Variants in PDE4D observed in about 807,000 individuals in gnomAD.
PDE4D encodes the protein 3',5'-cyclic-AMP phosphodiesterase 4D.
Under a neutral mutation model 87.4 loss-of-function variants are expected in PDE4D, and 24 were observed. The ratio of observed to expected loss-of-function variants is 0.27; its 90% CI spans 0.20 to 0.39. The LOEUF (loss-of-function observed/expected upper bound fraction) is 0.39, where lower values mean the gene tolerates loss of function less well. Ranked by LOEUF, PDE4D falls within the 10% of genes least tolerant of loss-of-function variation. The pLI, the probability that PDE4D is intolerant of heterozygous loss-of-function variation, is 1.00. For missense variants in PDE4D, 714 were observed against 1,041.0 expected (o/e 0.69, Z 4.32); for synonymous variants, 384 against 383.2 (o/e 1.00, Z -0.02).
At chr5:60,278,177 T>A (rs189596998) in intron 1 of PDE4D, among the ~76,000 whole-genome samples, 28 of 152,246 alleles carry the variant, frequency 1.8e-4, no homozygotes, top group Admixed American at 9.2e-4. Flanking sequence ...AAAGAGGGTG[T>A]TTTCACTCAG....
At chr5:59,522,113 G>A (rs1812347748) in intron 1 of PDE4D, among the ~76,000 whole-genome samples, 1 of 152,020 alleles carries the variant, frequency 6.6e-6, no homozygotes, top group Admixed American at 6.6e-5. Flanking sequence ...ACAAAACAGA[G>A]TTCACATAAA....
chr5:59,339,621 G>A (rs1778352141), intron 1 of PDE4D, among the ~76,000 whole-genome samples: 1 of 152,164 alleles, frequency 6.6e-6, no homozygotes, highest in African/African-American at 2.4e-5. Context: ...ATTATTTGCA[G>A]AGCAGTTGCA....
At chr5:59,375,059 T>C (rs1784497812) in intron 1 of PDE4D, among the ~76,000 whole-genome samples, 2 of 152,080 alleles carry the variant, frequency 1.3e-5, no homozygotes, top group Non-Finnish European at 2.9e-5. Context: ...ATTTATAGCA[T>C]GAAATGCCCA....
chr5:59,646,080 T>G (rs1412976316), intron 1 of PDE4D, among the ~76,000 whole-genome samples: 1 of 152,222 alleles, frequency 6.6e-6, no homozygotes, highest in Non-Finnish European at 1.5e-5. Context: ...TGAAGTTAAT[T>G]TTATAAATTT....
At chr5:59,172,302 T>G (rs1783107751) in intron 5 of PDE4D, among the ~76,000 whole-genome samples, 1 of 131,698 alleles carries the variant, frequency 7.6e-6, no homozygotes, top group Non-Finnish European at 1.6e-5. Context: ...ATATAAGAAA[T>G]ATATATAATT....
Position 59,484,896 on chromosome 5 carries a change from C to T in PDE4D, c.456-268928G>A, listed in dbSNP as rs189231271. 3.9e-5 allele frequency among the ~76,000 whole-genome samples: 6 copies of T among 152,288 alleles called. No homozygotes were observed. In the East Asian group the frequency reaches 9.6e-4, roughly 24 times the overall value. ...GAGAGTTCTAAAAGTCTACGATTCACCAACCACAACTTGACAACCAGTAAT... is the reference window on the plus strand; with the variant it reads ...GAGAGTTCTAAAAGTCTACGATTCATCAACCACAACTTGACAACCAGTAAT... On this transcript the variant is annotated intron_variant, in intron 1 of 14. Transcript: ENST00000340635.
intron 1 of PDE4D, among the ~76,000 whole-genome samples, chr5:59,629,344 G>C (rs1445669928): frequency 6.6e-6 from 1 of 152,128 alleles, no homozygotes; most frequent in Non-Finnish European, 1.5e-5. Flanking sequence ...TCATATAGGA[G>C]TAAGATGCAC....
chr5:60,007,947 T>C (rs1318746696), intron 2 of PDE4D, among the ~76,000 whole-genome samples: 1 of 151,990 alleles, frequency 6.6e-6, no homozygotes, highest in Non-Finnish European at 1.5e-5. Flanking sequence ...GCAACCTGTT[T>C]TGCCACATTT....
intron 1 of PDE4D, among the ~76,000 whole-genome samples, chr5:59,762,350 A>ATGTGGGTACACATATGCG: frequency 1.6e-5 from 1 of 61,110 alleles, no homozygotes; most frequent in East Asian, 3.3e-4. Flanking sequence ...ACACATATGC[A>ATGTGGGTACACATATGCG]TATATGTGTA....
chr5:59,725,776 C>G (rs1417495213), intron 1 of PDE4D, among the ~76,000 whole-genome samples: 1 of 152,006 alleles, frequency 6.6e-6, no homozygotes, highest in African/African-American at 2.4e-5. Context: ...ATTTGAAATC[C>G]TAAGGGCTTT....
At chr5:60,295,353 T>A (rs1456456981) in intron 1 of PDE4D, among the ~76,000 whole-genome samples, 1 of 152,236 alleles carries the variant, frequency 6.6e-6, no homozygotes, top group East Asian at 1.9e-4. Flanking sequence ...TTATTCTTCT[T>A]GCACTGTTGC....
intron 1 of PDE4D, among the ~76,000 whole-genome samples, chr5:59,883,093 G>T (rs1314831611): frequency 6.6e-6 from 1 of 152,078 alleles, no homozygotes; most frequent in Non-Finnish European, 1.5e-5. Flanking sequence ...TTATTCCTTT[G>T]GTTCCATTCT....
At position 59,445,531 on chromosome 5, in the gene PDE4D, T is replaced by C. The variant is rs549033532; in HGVS notation, c.456-229563A>G. Among the ~76,000 whole-genome samples the C allele has an allele frequency of 5.9e-5, 9 of 152,336 alleles. No individual in the cohort carries two copies. The East Asian group carries it at 1.2e-3, about 20-fold the overall frequency. ...AAGAAAGTCGATTATTTAATCAGAA[T>C]TTAAGAAGACTTCTACATGACCTTG... On this transcript the variant is annotated intron_variant, in intron 1 of 14. Coordinates refer to ENST00000340635, the MANE Select transcript of PDE4D (RefSeq NM_001104631.2).
chr5:59,600,172 C>T (rs1827290820), intron 1 of PDE4D, among the ~76,000 whole-genome samples: 1 of 152,204 alleles, frequency 6.6e-6, no homozygotes, highest in African/African-American at 2.4e-5. Flanking sequence ...TTGGGAAGGA[C>T]ATCAAATGGC....
intron 3 of PDE4D, among the ~76,000 whole-genome samples, chr5:59,915,424 T>G (rs1753936033): frequency 2.0e-5 from 3 of 152,202 alleles, no homozygotes; most frequent in Admixed American, 1.3e-4. Flanking sequence ...ATAACTGACA[T>G]TAGTTATTTA....
At chr5:59,358,563 T>C (rs1268034993) in intron 1 of PDE4D, among the ~76,000 whole-genome samples, 1 of 152,148 alleles carries the variant, frequency 6.6e-6, no homozygotes, top group Non-Finnish European at 1.5e-5. Context: ...TTTCGGCAGC[T>C]CTTAGGAAAT....
chr5:59,813,445 TACACACACACACACAC>T (rs35313403), intron 1 of PDE4D, among the ~76,000 whole-genome samples: 1 of 143,066 alleles, frequency 7.0e-6, no homozygotes, highest in East Asian at 2.0e-4. Context: ...CATACACTTG[TACACACACACACACAC>T]ACACACACAC....
At chr5:60,517,231 G>A (rs765247089) in intron 1 of PDE4D, among the ~76,000 whole-genome samples, 17 of 152,248 alleles carry the variant, frequency 1.1e-4, no homozygotes, top group African/African-American at 2.4e-5. Context: ...CATGGGAGGG[G>A]GGCCAAGGGG....
intron 1 of PDE4D, among the ~76,000 whole-genome samples, chr5:59,280,868 G>A (rs1765676960): frequency 6.8e-6 from 1 of 147,032 alleles, no homozygotes; most frequent in African/African-American, 2.5e-5. Context: ...TTTTCCTCTG[G>A]GGTATCTCTA....
Sources: gnomAD v4.1 joint callset for allele counts (sites outside exome capture counted in the v4.1 genomes callset) on GRCh38, gnomAD v4.1.1 for gene constraint, MANE v1.5 for transcripts, NCBI Gene and HGNC (gene_info 2026-07-23, HGNC 2026-07-21) for gene names.